The following HOXC6 variants were observed in gnomAD, a reference collection of about 807,000 sequenced individuals.
HOXC6 encodes homeobox protein Hox-C6.
In HOXC6, 10 loss-of-function variants were observed where a neutral mutation model predicts 24.0. That is an observed-to-expected ratio of 0.42 (90% CI 0.26 to 0.71). The LOEUF is 0.71. HOXC6 is among the 30% of genes least tolerant of loss of function. The pLI, the probability that HOXC6 is intolerant of heterozygous loss-of-function variation, is 0.28. For missense variants in HOXC6, 258 were observed against 303.4 expected, an observed-to-expected ratio of 0.85 and a Z score of 1.11; for synonymous variants, 123 against 128.1, an observed-to-expected ratio of 0.96 and a Z score of 0.27.
intron 1 of HOXC6, among the ~76,000 whole-genome samples, chr12:54,029,406 C>T (rs1940886389): frequency 1.2e-5 from 1 of 83,408 alleles, no homozygotes; most frequent in Non-Finnish European, 2.3e-5. Flanking sequence ...TTGCCCCGCC[C>T]CCCCGCCCCC....
At position 54,028,914 on chromosome 12, in the gene HOXC6, G is replaced by T. The variant is rs1270185054; in HGVS notation, c.393G>T (p.Ser131=). The change falls in exon 1 of 2, where the codon TCG becomes TCT. Residue 131 remains serine (S), a synonymous_variant. Transcript: ENST00000243108. ...QIYPWMQRMN[S]HSGVGYGADR... Reference sequence around the variant, plus strand: ...ACCCCTGGATGCAGCGAATGAATTCGCACAGTGGTGAGTTTTACAGCTCCG... The same window carrying T: ...ACCCCTGGATGCAGCGAATGAATTCTCACAGTGGTGAGTTTTACAGCTCCG... 3.1e-6 allele frequency: 5 copies of T among 1,608,430 alleles called. No individual in the cohort carries two copies. Among genetic ancestry groups the T allele is most frequent in the East Asian group, 4.5e-5 (2 of 44,852 alleles).
chr12:54,026,933 C>CT (rs796495350), upstream of HOXC6, among the ~76,000 whole-genome samples: 3 of 145,058 alleles, frequency 2.1e-5, no homozygotes, highest in African/African-American at 7.9e-5. Flanking sequence ...TTATAGCCAG[C>CT]TTTCCCCCCC....
chr12:54,028,273 T>A (rs1482706671), upstream of HOXC6: 3 of 249,976 alleles, frequency 1.2e-5, no homozygotes, highest in African/African-American at 6.8e-5. Flanking sequence ...ATATATTTTT[T>A]AAAAGAAATC....
chr12:54,025,041 G>A (rs545672450), upstream of HOXC6, among the ~76,000 whole-genome samples: 1 of 152,266 alleles, frequency 6.6e-6, no homozygotes, highest in South Asian at 2.1e-4. Flanking sequence ...CCTTCCGAAT[G>A]CCTGATTTGG....
intron 1 of HOXC6, among the ~76,000 whole-genome samples, chr12:54,018,327 G>T (rs534526216): frequency 1.3e-5 from 2 of 152,360 alleles, no homozygotes; most frequent in East Asian, 3.9e-4. Context: ...GCTGCTCTGG[G>T]CTAGGACCTG....
At chr12:54,019,496 G>T (rs560495959) in intron 1 of HOXC6, among the ~76,000 whole-genome samples, 1 of 152,142 alleles carries the variant, frequency 6.6e-6, no homozygotes, top group Non-Finnish European at 1.5e-5. Flanking sequence ...GGGAATCGCC[G>T]ACCGGTGAGG....
chr12:54,029,662 C>T lies in HOXC6; in HGVS notation c.408C>T (p.Gly136=). 1 of 1,612,414 alleles carries T rather than the reference C, an allele frequency of 6.2e-7. No individual in the cohort carries two copies. Among genetic ancestry groups the T allele is most frequent in the Non-Finnish European group, 8.5e-7 (1 of 1,178,774 alleles). Residue 136 remains glycine (G), a synonymous_variant, in exon 2 of 2, where the codon GGC becomes GGT. Transcript: ENST00000243108. ...MQRMNSHSGV[G]YGADRRRGRQ... ...TTGTGCCCGGATCTTTAGGGGTCGG[C>T]TACGGAGCGGACCGGAGGCGCGGCC...
chr12:54,026,964 TGGGG>T (rs71068201), upstream of HOXC6, among the ~76,000 whole-genome samples: 4 of 127,280 alleles, frequency 3.1e-5, no homozygotes, highest in East Asian at 9.7e-4. Flanking sequence ...CCAAAAATGG[TGGGG>T]GGGGGGGGAT....
upstream of HOXC6, among the ~76,000 whole-genome samples, chr12:54,026,835 G>T (rs1032546476): frequency 6.6e-6 from 1 of 151,966 alleles, no homozygotes; most frequent in African/African-American, 2.4e-5. Flanking sequence ...GCATAGTCCC[G>T]TTTATGGCTT....
At chr12:54,026,947 A>AC (rs1940736487), upstream of HOXC6, among the ~76,000 whole-genome samples, 1 of 132,634 alleles carries the variant, frequency 7.5e-6, no homozygotes, top group Non-Finnish European at 1.6e-5. Flanking sequence ...CCCCCCCCCC[A>AC]ACCCACCCAA....
At chr12:54,025,518 A>G (rs114089032), upstream of HOXC6, among the ~76,000 whole-genome samples, 6,594 of 67,710 alleles carry the variant, frequency 0.097, 198 homozygotes, top group South Asian at 0.23. Flanking sequence ...CTCAGGAATG[A>G]AAGGTAATTG....
rs1428077253 is a variant in HOXC6, at chr12:54,018,972, T to C, written c.-193+1558T>C. Among the ~76,000 whole-genome samples, 6 of 152,236 alleles carry C rather than the reference T, an allele frequency of 3.9e-5. No individual in the cohort carries two copies. The East Asian group carries it at 1.2e-3, about 29-fold the overall frequency. On this transcript the variant is annotated intron_variant, in intron 1 of 2. Coordinates refer to the HOXC6 transcript ENST00000394331. ...GGGGGCGGGGATGGGGGAAGAAACC[T>C]GTTTTTATCAAATTTTTAAAAATAC... is the stretch of plus-strand genomic sequence containing the variant.
At chr12:54,028,995 G>C (rs947512898) in intron 1 of HOXC6, 74 bp downstream of exon 1, 1 of 1,432,656 alleles carries the variant, frequency 7.0e-7, no homozygotes, top group Non-Finnish European at 9.4e-7. Flanking sequence ...TAGAAGAACG[G>C]GCGGAGAGAG....
upstream of HOXC6, among the ~76,000 whole-genome samples, chr12:54,028,203 C>G (rs548736966): frequency 1.5e-4 from 23 of 151,966 alleles, no homozygotes; most frequent in Non-Finnish European, 2.9e-4. Flanking sequence ...AGGCCCTGCT[C>G]AGGGACATGC....
chr12:54,029,048 C>T (rs899459501), intron 1 of HOXC6, 127 bp downstream of exon 1: 8 of 900,616 alleles, frequency 8.9e-6, no homozygotes. Context: ...GTCTCCTCAC[C>T]GAGACAGGGC....
In HOXC6 at chr12:54,029,644, C is replaced by G. The variant is rs776432961; in HGVS notation, c.401-11C>G. On this transcript the variant is annotated splice_polypyrimidine_tract_variant and intron_variant, in intron 1 of 1. Transcript: ENST00000243108. ...GATTGCTTTTAGTGTGTTTTGTGCC[C>G]GGATCTTTAGGGGTCGGCTACGGAG... 4 of 1,608,114 alleles carry G rather than the reference C, an allele frequency of 2.5e-6. No individual in the cohort carries two copies. Among genetic ancestry groups the G allele is most frequent in the Non-Finnish European group, 3.4e-6 (4 of 1,175,880 alleles).
Position 54,028,842 on chromosome 12 carries a change from G to A in HOXC6, c.321G>A (p.Glu107=). ...CAATCGCTCAGGATTTTAGTTCTGA[G>A]CAGGGCAGGACTGCGCCCCAGGACC... ...QTSIAQDFSS[E]QGRTAPQDQK... Residue 107 remains glutamate (E), a synonymous_variant, in exon 1 of 2, where the codon GAG becomes GAA. Transcript: ENST00000243108. 6.2e-7 allele frequency: 1 copy of A among 1,614,140 alleles called. No homozygotes were observed. Among genetic ancestry groups the A allele is most frequent in the Non-Finnish European group, 8.5e-7 (1 of 1,180,014 alleles).
Position 54,029,880 on chromosome 12 carries a change from G to A in HOXC6, c.626G>A (p.Gly209Asp). ...AATCTCACATCCACTCTCTCGGGGGGCGGCGGAGGGGCCACCGCCGACAGC... is the reference window on the plus strand; with the variant it reads ...AATCTCACATCCACTCTCTCGGGGGACGGCGGAGGGGCCACCGCCGACAGC... ...ESNLTSTLSG[G>D]GGGATADSLG... The change falls in exon 2 of 2, where the codon GGC (glycine) becomes GAC (aspartate). Residue 209 changes from glycine to aspartate, a missense_variant. Transcript: ENST00000243108. 6.3e-7 allele frequency: 1 copy of A among 1,599,928 alleles called. No homozygotes were observed.
upstream of HOXC6, among the ~76,000 whole-genome samples, chr12:54,027,968 A>G (rs1940799465): frequency 6.6e-6 from 1 of 152,176 alleles, no homozygotes; most frequent in Non-Finnish European, 1.5e-5. Flanking sequence ...ATGGAGTGTC[A>G]AAACAGGATT....
Sources: allele counts gnomAD v4.1 joint callset (sites outside exome capture counted in the v4.1 genomes callset), GRCh38; gene constraint gnomAD v4.1.1; transcripts MANE v1.5; gene names NCBI Gene and HGNC (gene_info 2026-07-23, HGNC 2026-07-21).